Variants in ZFPM2 observed in about 807,000 individuals in gnomAD.
ZFPM2 encodes zinc finger protein, FOG family member 2.
Under a neutral mutation model 98.6 loss-of-function variants are expected in ZFPM2, and 20 were observed. The observed-to-expected ratio is 0.20, with a 90% CI of 0.14 to 0.29. The LOEUF (loss-of-function observed/expected upper bound fraction) is 0.29, where lower values mean the gene tolerates loss of function less well. Among genes scored for constraint, ZFPM2 ranks in the 10% least tolerant of loss-of-function variants. The probability of loss-of-function intolerance (pLI) is 1.00; values close to 1 mark genes in which losing one functional copy is unlikely to be tolerated. For missense variants in ZFPM2, 1,310 were observed against 1,388.6 expected (o/e 0.94, Z 0.90); for synonymous variants, 518 against 502.7 (o/e 1.03, Z -0.41).
At chr8:105,456,940 A>C (rs949726779) in intron 3 of ZFPM2, among the ~76,000 whole-genome samples, 1 of 152,186 alleles carries the variant, frequency 6.6e-6, no homozygotes, top group South Asian at 2.1e-4. Context: ...GACGTGAGCC[A>C]CTGCGCCTGG....
At position 105,368,613 on chromosome 8, in the gene ZFPM2, A is replaced by G. The variant is rs577028291; in HGVS notation, c.40+49632A>G. Among the ~76,000 whole-genome samples, 26 of 152,266 alleles carry G rather than the reference A, an allele frequency of 1.7e-4. No homozygotes were observed. The South Asian group carries it at 5.0e-3, about 29-fold the overall frequency. ...GATTTATTTCATTATGTAACTGAAT[A>G]CTCAAGAATATGGCAAGTTTCTTCC... On this transcript the variant is annotated intron_variant, in intron 1 of 7. Transcript: ENST00000407775.
chr8:105,455,619 CTA>C (rs1254429989), intron 3 of ZFPM2, among the ~76,000 whole-genome samples: 2 of 152,130 alleles, frequency 1.3e-5, no homozygotes, highest in Non-Finnish European at 2.9e-5. Context: ...ACTCTGATGA[CTA>C]TGTAGAGAGT....
chr8:105,444,211 A>G, intron 2 of ZFPM2, 69 bp from the exon 3 acceptor site: 1 of 1,201,090 alleles, frequency 8.3e-7, no homozygotes, highest in South Asian at 1.3e-5. Flanking sequence ...ACATCCCTTT[A>G]TGAGGGTGTG....
chr8:105,498,962 G>A (rs1411907175), intron 3 of ZFPM2, among the ~76,000 whole-genome samples: 1 of 152,196 alleles, frequency 6.6e-6, no homozygotes, highest in Non-Finnish European at 1.5e-5. Context: ...ATTGGGGCAG[G>A]CAGTTAGTAA....
At chr8:105,403,992 AAACAACAACAACAAC>A (rs58138715) in intron 1 of ZFPM2, among the ~76,000 whole-genome samples, 90 of 147,730 alleles carry the variant, frequency 6.1e-4, no homozygotes, top group African/African-American at 7.5e-4. Context: ...ATTGGTGTTA[AAACAACAACAACAAC>A]AACAACAACA....
chr8:105,672,058 CAAA>C (rs561620793), intron 5 of ZFPM2, among the ~76,000 whole-genome samples: 165 of 152,172 alleles, frequency 1.1e-3, no homozygotes, highest in Non-Finnish European at 1.9e-3. Flanking sequence ...TTTGTTTCAT[CAAA>C]TAAATAAAGT....
rs1554595082 is a variant in ZFPM2, at chr8:105,331,188, C to CAT, written c.40+12215_40+12216dup. ...TATTATACACACACACACACACACA[C>CAT]ATATATATACACCCAGTTATATAAT... is the stretch of plus-strand genomic sequence containing the variant. On this transcript the variant is annotated intron_variant, in intron 1 of 7. Coordinates refer to ENST00000407775, the MANE Select transcript of ZFPM2 (RefSeq NM_012082.4). Among the ~76,000 whole-genome samples, 143 of 149,454 alleles carry CAT rather than the reference C, an allele frequency of 9.6e-4. 3 individuals carry two copies. The East Asian group carries it at 0.012, about 12-fold the overall frequency.
chr8:105,691,398 G>A lies in ZFPM2; in HGVS notation c.532+57041G>A, dbSNP rs370538151. On this transcript the variant is annotated intron_variant, in intron 5 of 7. Coordinates refer to ENST00000407775, the MANE Select transcript of ZFPM2 (RefSeq NM_012082.4). Reference sequence around the variant, plus strand: ...CGAGTAGCCGGGACTACGGGCGCCCGCCACCGCGCCCGGCTAATTTTTTGT... The same window carrying A: ...CGAGTAGCCGGGACTACGGGCGCCCACCACCGCGCCCGGCTAATTTTTTGT... Among the ~76,000 whole-genome samples, 15 of 142,918 alleles carry A rather than the reference G, an allele frequency of 1.0e-4. 2 individuals are homozygous for A. Among genetic ancestry groups the A allele is most frequent in the African/African-American group, 2.4e-4 (9 of 36,974 alleles). 93.8% of individuals were successfully genotyped at this position (142,918 alleles called of 152,430 possible).
intron 1 of ZFPM2, among the ~76,000 whole-genome samples, chr8:105,375,288 A>G (rs1810703138): frequency 6.6e-6 from 1 of 152,306 alleles, no homozygotes; most frequent in East Asian, 1.9e-4. Flanking sequence ...TCATTGATGG[A>G]AAGAGCCCTA....
chr8:105,515,969 G>C (rs1813913572), intron 3 of ZFPM2, among the ~76,000 whole-genome samples: 1 of 134,866 alleles, frequency 7.4e-6, no homozygotes, highest in Non-Finnish European at 1.5e-5. Flanking sequence ...CCAGGCTGCA[G>C]TGCAGTGGCG....
intron 3 of ZFPM2, among the ~76,000 whole-genome samples, chr8:105,489,346 C>T (rs1404799061): frequency 7.0e-6 from 1 of 141,866 alleles, no homozygotes; most frequent in Non-Finnish European, 1.5e-5. Flanking sequence ...ATATGTAAAA[C>T]GTTATATATA....
At chr8:105,620,529 T>G (rs1248125013) in intron 4 of ZFPM2, among the ~76,000 whole-genome samples, 1 of 152,218 alleles carries the variant, frequency 6.6e-6, no homozygotes, top group African/African-American at 2.4e-5. Flanking sequence ...AGAAGCTCTT[T>G]AGTTTAATTA....
chr8:105,745,855 G>A (rs1586235172), intron 5 of ZFPM2, among the ~76,000 whole-genome samples: 1 of 152,082 alleles, frequency 6.6e-6, no homozygotes, highest in African/African-American at 2.4e-5. Context: ...TGCCTCTGGG[G>A]TTCAAGTGAT....
At chr8:105,382,053 C>G (rs1377742836) in intron 1 of ZFPM2, among the ~76,000 whole-genome samples, 1 of 152,004 alleles carries the variant, frequency 6.6e-6, no homozygotes, top group African/African-American at 2.4e-5. Flanking sequence ...ATTTATTTGT[C>G]CAAAACACCT....
chr8:105,674,224 A>G (rs1042773832), intron 5 of ZFPM2, among the ~76,000 whole-genome samples: 2 of 152,154 alleles, frequency 1.3e-5, no homozygotes, highest in Non-Finnish European at 2.9e-5. Flanking sequence ...AGCCAAATCA[A>G]TTTTCCAGTG....
intron 5 of ZFPM2, among the ~76,000 whole-genome samples, chr8:105,699,940 G>T (rs2130954815): frequency 6.6e-6 from 1 of 152,152 alleles, no homozygotes; most frequent in South Asian, 2.1e-4. Flanking sequence ...ACTAAACTCA[G>T]AATTATTATT....
intron 5 of ZFPM2, among the ~76,000 whole-genome samples, chr8:105,765,459 C>CT (rs1812835233): frequency 6.6e-6 from 1 of 151,770 alleles, no homozygotes; most frequent in Non-Finnish European, 1.5e-5. Flanking sequence ...TTATTTCATT[C>CT]TAGAGTTCCA....
chr8:105,413,810 ATTTTAAT>A (rs1232894881), intron 1 of ZFPM2, among the ~76,000 whole-genome samples: 1 of 151,822 alleles, frequency 6.6e-6, no homozygotes, highest in Non-Finnish European at 1.5e-5. Flanking sequence ...TGTGATGAAA[ATTTTAAT>A]TTTTAATATT....
rs1365662477 is a variant in ZFPM2 at position 105,802,989 on chromosome 8, T to C, written c.2907T>C (p.Pro969=). ...RHLFLPQCLY[P]GAIKKAKGAD... The stretch of plus-strand genomic sequence containing the variant: ...TGTTTCTTCCACAATGCCTTTACCC[T>C]GGAGCAATAAAGAAAGCAAAAGGAG... Residue 969 remains proline (P), a synonymous_variant, in exon 8 of 8, where the codon CCT becomes CCC. Transcript: ENST00000407775. 6.2e-7 allele frequency: 1 copy of C among 1,612,882 alleles called. No homozygotes were observed. Among genetic ancestry groups the C allele is most frequent in the East Asian group, 2.2e-5 (1 of 44,806 alleles).
Sources: gnomAD v4.1 joint callset for allele counts (sites outside exome capture counted in the v4.1 genomes callset) on GRCh38, gnomAD v4.1.1 for gene constraint, MANE v1.5 for transcripts, NCBI Gene and HGNC (gene_info 2026-07-23, HGNC 2026-07-21) for gene names.